GRHL2: variants seen among roughly 807,000 people sequenced by gnomAD.
GRHL2 encodes grainyhead like transcription factor 2, also known as grainyhead-like protein 2 homolog.
GRHL2 carries 21 observed loss-of-function variants against 83.8 expected under a neutral mutation model. The ratio of observed to expected loss-of-function variants is 0.25; its 90% confidence interval spans 0.18 to 0.36. The LOEUF is 0.36. GRHL2 is among the 10% of genes least tolerant of loss of function. The pLI is 1.00. For synonymous variants in GRHL2, 280 were observed against 278.9 expected (o/e 1.00, Z -0.04); for missense variants, 623 against 781.8 (o/e 0.80, Z 2.42).
chr8:101,676,322 GCTA>G, the GRHL2 span, among the ~76,000 whole-genome samples: 1 of 151,486 alleles, frequency 6.6e-6, no homozygotes, highest in African/African-American at 2.4e-5. Flanking sequence ...CTGACAAAGG[GCTA>G]ATATCCAGAA....
Position 101,669,579 on chromosome 8 carries a change from G to T in GRHL2, c.*2876G>T, listed in dbSNP as rs1814164993. On this transcript the variant is annotated 3_prime_UTR_variant, in exon 16 of 16. Coordinates refer to ENST00000646743, the MANE Select transcript of GRHL2 (RefSeq NM_024915.4). ...AGGGAGATTGATATATGTACAATTT[G>T]CTCTCATGTTTTAAAAAAAAAAAGG... 6.8e-6 allele frequency: 1 copy of T among 146,112 alleles called. No homozygotes were observed. The highest frequency in any genetic ancestry group is 2.5e-5 in the African/African-American group (1 of 39,222). 9.1% of individuals were successfully genotyped at this position (146,112 alleles called of 1,614,324 possible).
chr8:101,576,301 C>A, intron 6 of GRHL2, among the ~76,000 whole-genome samples: 1 of 152,278 alleles, frequency 6.6e-6, no homozygotes, highest in Non-Finnish European at 1.5e-5. Context: ...GAAGCCTCAA[C>A]CTCCCAAGCT....
At chr8:101,643,566 G>GCCA (rs758160261) in intron 12 of GRHL2, among the ~76,000 whole-genome samples, 2 of 152,170 alleles carry the variant, frequency 1.3e-5, no homozygotes, top group Non-Finnish European at 2.9e-5. Context: ...GGCCTGGGCA[G>GCCA]CCAAGGTCTG....
chr8:101,611,282 GTTACATCTTC>G (rs1812744724), intron 8 of GRHL2, among the ~76,000 whole-genome samples: 1 of 150,918 alleles, frequency 6.6e-6, no homozygotes, highest in African/African-American at 2.5e-5. Context: ...GCTTTCTTAT[GTTACATCTTC>G]TCACCCACCA....
intron 7 of GRHL2, among the ~76,000 whole-genome samples, chr8:101,592,230 G>T (rs1196440678): frequency 6.8e-6 from 1 of 146,208 alleles, no homozygotes; most frequent in East Asian, 2.0e-4. Context: ...TCAGCCTCCT[G>T]CATAGCTGGG....
At chr8:101,587,599 A>G (rs868507688) in intron 7 of GRHL2, among the ~76,000 whole-genome samples, 46 of 152,266 alleles carry the variant, frequency 3.0e-4, no homozygotes, top group South Asian at 1.7e-3. Context: ...TTCATCTCCA[A>G]TGTGGAATTT....
intron 1 of GRHL2, among the ~76,000 whole-genome samples, chr8:101,509,117 CCTTCCTTCCTTCCTTCCTTCCT>C (rs1810400413): frequency 5.2e-5 from 3 of 57,828 alleles, no homozygotes; most frequent in South Asian, 6.3e-4. Context: ...CTCCTTCCTT[CCTTCCTTCCTTCCTTCCTTCCT>C]TCCTTCCTTC....
At chr8:101,551,419 C>G (rs569492273) in intron 2 of GRHL2, among the ~76,000 whole-genome samples, 1 of 152,192 alleles carries the variant, frequency 6.6e-6, no homozygotes, top group East Asian at 1.9e-4. Flanking sequence ...GGTCTGGACT[C>G]TTGGTCACTC....
intron 14 of GRHL2, among the ~76,000 whole-genome samples, chr8:101,656,846 CTGTT>C (rs1052429930): frequency 8.5e-5 from 12 of 141,812 alleles, no homozygotes; most frequent in African/African-American, 2.8e-4. Context: ...GTCTGTGTGT[CTGTT>C]AGTGTATTTT....
At chr8:101,678,567 G>C in the GRHL2 span, among the ~76,000 whole-genome samples, 2 of 151,920 alleles carry the variant, frequency 1.3e-5, no homozygotes, top group Non-Finnish European at 2.9e-5. Flanking sequence ...GCTCGAACTG[G>C]GTGGAGCCCA....
chr8:101,598,680 G>C lies in GRHL2; in HGVS notation c.1004-377G>C, dbSNP rs143261657. The stretch of plus-strand genomic sequence containing the variant: ...TGTTCTACAAAAAATTCCATATGAA[G>C]TACCCTGGTACTTCTAGCAAAATTA... On this transcript the variant is annotated intron_variant, in intron 7 of 15. Coordinates refer to ENST00000646743, the MANE Select transcript of GRHL2 (RefSeq NM_024915.4). Among the ~76,000 whole-genome samples the C allele has an allele frequency of 2.8e-5, 4 of 142,254 alleles. No individual in the cohort carries two copies. In the East Asian group the frequency reaches 8.6e-4, roughly 31 times the overall value. The allele number at this position is 142,254 out of a possible 152,430, so 93.3% of individuals were successfully genotyped here.
chr8:101,551,432 C>T (rs1315610125), intron 2 of GRHL2, among the ~76,000 whole-genome samples: 1 of 152,080 alleles, frequency 6.6e-6, no homozygotes, highest in Non-Finnish European at 1.5e-5. Flanking sequence ...GGTCACTCTG[C>T]TCTGTCCCCA....
At chr8:101,577,142 C>G (rs1488177711) in intron 6 of GRHL2, among the ~76,000 whole-genome samples, 1 of 151,832 alleles carries the variant, frequency 6.6e-6, no homozygotes, top group African/African-American at 2.4e-5. Context: ...TTGGTTAATC[C>G]AGTTGTTTAT....
At chr8:101,640,843 C>T (rs1207454827) in intron 12 of GRHL2, among the ~76,000 whole-genome samples, 2 of 152,170 alleles carry the variant, frequency 1.3e-5, no homozygotes, top group Non-Finnish European at 2.9e-5. Context: ...GATGCTCAGA[C>T]CTCAACTCTC....
rs561775071 is a variant in GRHL2, at chr8:101,618,776, AAGAC to A, written c.1099-759_1099-756del. On this transcript the variant is annotated intron_variant, in intron 8 of 15. Coordinates refer to ENST00000646743, the MANE Select transcript of GRHL2 (RefSeq NM_024915.4). ...TTGCATGCTTCATAATCATGGAACA[AAGAC>A]AGATATGTAAACAAATAACTAGTTT... Among the ~76,000 whole-genome samples the A allele has an allele frequency of 2.6e-5, 4 of 152,256 alleles. No individual in the cohort carries two copies. In the South Asian group the frequency reaches 8.3e-4, roughly 32 times the overall value.
intron 8 of GRHL2, among the ~76,000 whole-genome samples, chr8:101,612,283 C>G (rs1196035661): frequency 6.6e-6 from 1 of 151,084 alleles, no homozygotes; most frequent in Non-Finnish European, 1.5e-5. Flanking sequence ...AGCCACCATG[C>G]CTGGCCTTCT....
chr8:101,599,828 C>G (rs1022789793), intron 8 of GRHL2, among the ~76,000 whole-genome samples: 1 of 152,170 alleles, frequency 6.6e-6, no homozygotes, highest in Non-Finnish European at 1.5e-5. Context: ...TTTCCAGCCA[C>G]GAGTCTCTTT....
intron 8 of GRHL2, among the ~76,000 whole-genome samples, chr8:101,614,306 CTT>C (rs1812812276): frequency 6.6e-6 from 1 of 151,060 alleles, no homozygotes; most frequent in Non-Finnish European, 1.5e-5. Flanking sequence ...TAGAAACAAT[CTT>C]TATCTGAATC....
intron 8 of GRHL2, among the ~76,000 whole-genome samples, chr8:101,605,625 C>T (rs1316852201): frequency 6.6e-6 from 1 of 152,218 alleles, no homozygotes. Context: ...GCAGCACTTC[C>T]AGCACATAGG....
Sources: gnomAD v4.1 joint callset for allele counts (sites outside exome capture counted in the v4.1 genomes callset) on GRCh38, gnomAD v4.1.1 for gene constraint, MANE v1.5 for transcripts, NCBI Gene and HGNC (gene_info 2026-07-23, HGNC 2026-07-21) for gene names.